TEX11: variants seen among roughly 807,000 people sequenced by gnomAD.
TEX11 encodes testis expressed 11, also known as testis-expressed protein 11.
TEX11 carries 7 observed loss-of-function variants against 84.4 expected under a neutral mutation model. The ratio of observed to expected loss-of-function variants is 0.08; its 90% CI spans 0.05 to 0.16. The LOEUF (loss-of-function observed/expected upper bound fraction) is 0.16. Ranked by LOEUF, TEX11 falls within the 10% of genes least tolerant of loss-of-function variation. The probability of loss-of-function intolerance (pLI) is 1.00; values close to 1 mark genes in which losing one functional copy is unlikely to be tolerated. For missense variants in TEX11, 551 were observed against 660.5 expected, an observed-to-expected ratio of 0.83 and a Z score of 1.82; for synonymous variants, 264 against 222.8, an observed-to-expected ratio of 1.18 and a Z score of -1.64.
At chrX:70,906,586 G>A (rs1409473183) in intron 2 of TEX11, among the ~76,000 whole-genome samples, 2 of 110,842 alleles carry the variant, frequency 1.8e-5, no homozygotes, top group Non-Finnish European at 3.8e-5. Context: ...TCAGGAGTTC[G>A]AGACCAGCTT....
At chrX:70,715,808 G>A (rs994619629) in intron 13 of TEX11, among the ~76,000 whole-genome samples, 32 of 112,126 alleles carry the variant, frequency 2.9e-4, no homozygotes, top group African/African-American at 1.0e-3. Flanking sequence ...GTCATTCTCT[G>A]TCCAGCTTTG....
At chrX:70,711,627 G>C (rs2090434891) in intron 13 of TEX11, among the ~76,000 whole-genome samples, 2 of 111,967 alleles carry the variant, frequency 1.8e-5, no homozygotes, top group African/African-American at 6.5e-5. Flanking sequence ...CCAACTTGTT[G>C]ATGGGGTTCT....
rs761415795 is a variant in TEX11 at position 70,792,082 on chromosome X, G to A, written c.692+14623C>T. On this transcript the variant is annotated intron_variant, in intron 9 of 29. Transcript: ENST00000374333. ...AGAGGTTGTGGTGAGCCGAGATTGC[G>A]CCATTGCACTCCAGCACGGGCAACA... is the stretch of plus-strand genomic sequence containing the variant. 1.4e-3 allele frequency among the ~76,000 whole-genome samples: 136 copies of A among 94,347 alleles called. 2 individuals are homozygous for A. The highest frequency in any genetic ancestry group is 2.1e-3 in the Non-Finnish European group (100 of 47,862). 81.9% of individuals were successfully genotyped at this position (94,347 alleles called of 115,157 possible). A position where few individuals can be genotyped will look rare whatever the true frequency, so the allele number is the denominator to read the frequency against.
At chrX:70,584,982 C>T (rs1429005994) in intron 25 of TEX11, among the ~76,000 whole-genome samples, 1 of 111,989 alleles carries the variant, frequency 8.9e-6, no homozygotes, top group African/African-American at 3.2e-5. Flanking sequence ...CTCACTACCG[C>T]TATTCAACAT....
intron 9 of TEX11, among the ~76,000 whole-genome samples, chrX:70,750,933 A>ATATATAT (rs1556039355): frequency 2.6e-3 from 73 of 28,171 alleles, no homozygotes; most frequent in Non-Finnish European, 3.4e-3. Context: ...AAAAAAAAAA[A>ATATATAT]ATATATATAT....
chrX:70,644,485 C>A (rs1220571009), intron 17 of TEX11, among the ~76,000 whole-genome samples: 4 of 108,454 alleles, frequency 3.7e-5, no homozygotes, highest in African/African-American at 1.0e-4. Flanking sequence ...ACGTTTATTG[C>A]GGCATTATTC....
intron 28 of TEX11, among the ~76,000 whole-genome samples, chrX:70,541,655 G>A (rs1334892121): frequency 9.0e-6 from 1 of 111,563 alleles, no homozygotes; most frequent in Non-Finnish European, 1.9e-5. Context: ...CTACTTGGGA[G>A]GCTGAGGCAT....
chrX:70,792,357 TACACAC>T (rs1322868836), intron 9 of TEX11, among the ~76,000 whole-genome samples: 15 of 8,857 alleles, frequency 1.7e-3, no homozygotes, highest in Admixed American at 4.2e-3. Context: ...TATATATATA[TACACAC>T]ACAAATATAT....
At chrX:70,521,718 T>C in the TEX11 span, among the ~76,000 whole-genome samples, 3 of 112,210 alleles carry the variant, frequency 2.7e-5, no homozygotes, top group African/African-American at 9.7e-5. Context: ...TGTGGAACCA[T>C]ATGATGTCAG....
rs149484890 is a variant in TEX11, at chrX:70,625,645, C to T, written c.1609-721G>A. Among the ~76,000 whole-genome samples, 334 of 111,331 alleles carry T rather than the reference C, an allele frequency of 3.0e-3. 1 individual carries two copies. The highest frequency in any genetic ancestry group is 0.01 in the African/African-American group (310 of 30,699). ...TATAACCAGACTATATCACCCACTA[C>T]CCTTCATTGTTGCTGTGGCCTACTA... On this transcript the variant is annotated intron_variant, in intron 18 of 29. Transcript: ENST00000374333.
chrX:70,554,577 G>T, intron 26 of TEX11, 74 bp downstream of exon 26: 1 of 1,004,937 alleles, frequency 1.0e-6, no homozygotes, highest in Non-Finnish European at 1.3e-6. Flanking sequence ...TAAGAAAGAA[G>T]AGTAAAGAGA....
chrX:70,600,540 C>T (rs113530466), intron 24 of TEX11, among the ~76,000 whole-genome samples: 1 of 109,748 alleles, frequency 9.1e-6, no homozygotes. Context: ...ACAGAACTCT[C>T]CACCCCAAAT....
chrX:70,806,718 A>C lies in TEX11; in HGVS notation c.679T>G (p.Ser227Ala). 8.5e-7 allele frequency: 1 copy of C among 1,178,153 alleles called. No homozygotes were observed. The highest frequency in any genetic ancestry group is 1.1e-6 in the Non-Finnish European group (1 of 871,472). Residue 227 changes from serine to alanine, a missense_variant, in exon 9 of 30, where the codon TCT (serine) becomes GCT (alanine). Transcript: ENST00000374333. ...TGTTTATGTTACCTAAGCCAGAAAG[A>C]ACTTTCTTCATATTTATTATTCTTC... ...TQKNNKYEESSFWLSQSYDIG... is the reference protein window; with the variant it reads ...TQKNNKYEESAFWLSQSYDIG...
At chrX:70,745,649 G>A (rs778100105) in intron 9 of TEX11, among the ~76,000 whole-genome samples, 6 of 111,668 alleles carry the variant, frequency 5.4e-5, no homozygotes, top group Non-Finnish European at 7.5e-5. Flanking sequence ...CATGATTATC[G>A]CTTAAACCTA....
intron 25 of TEX11, among the ~76,000 whole-genome samples, chrX:70,584,519 G>C (rs1337733009): frequency 9.0e-6 from 1 of 111,665 alleles, no homozygotes; most frequent in Non-Finnish European, 1.9e-5. Context: ...AATAATGGAA[G>C]AGGAGGGAAT....
chrX:70,652,013 AG>A (rs1359531566), intron 16 of TEX11, among the ~76,000 whole-genome samples: 1 of 111,275 alleles, frequency 9.0e-6, no homozygotes, highest in Non-Finnish European at 1.9e-5. Flanking sequence ...TCAAGTTCCA[AG>A]GGATCACACT....
intron 16 of TEX11, among the ~76,000 whole-genome samples, chrX:70,669,719 C>T (rs1368202979): frequency 8.9e-6 from 1 of 112,742 alleles, no homozygotes; most frequent in African/African-American, 3.2e-5. Context: ...TGAAAGGCAA[C>T]AAAAACCTTC....
intron 1 of TEX11, among the ~76,000 whole-genome samples, chrX:70,908,428 A>G (rs747591603): frequency 9.0e-6 from 1 of 111,668 alleles, no homozygotes; most frequent in African/African-American, 3.2e-5. Context: ...TCAGTGGCCC[A>G]CCACCGCTCC....
At chrX:70,601,818 A>T (rs897617688) in intron 24 of TEX11, among the ~76,000 whole-genome samples, 1 of 103,707 alleles carries the variant, frequency 9.6e-6, no homozygotes, top group African/African-American at 3.5e-5. Context: ...CCCTGAGTGG[A>T]CACAGCACAT....
Sources: allele counts gnomAD v4.1 joint callset (sites outside exome capture counted in the v4.1 genomes callset), GRCh38; gene constraint gnomAD v4.1.1; transcripts MANE v1.5; gene names NCBI Gene and HGNC (gene_info 2026-07-23, HGNC 2026-07-21).